The following NCALD variants were observed in gnomAD, a reference collection of about 807,000 sequenced individuals.
The protein encoded by NCALD is neurocalcin delta.
A neutral mutation model predicts 18.6 loss-of-function variants in NCALD; 10 were observed. That is an observed-to-expected ratio of 0.54 (90% CI 0.33 to 0.91). The LOEUF (loss-of-function observed/expected upper bound fraction) is 0.91, where lower values mean the gene tolerates loss of function less well. NCALD is among the 40% of genes least tolerant of loss of function. The pLI, the probability that NCALD is intolerant of heterozygous loss-of-function variation, is 0.03. For missense variants in NCALD, 184 were observed against 247.6 expected (o/e 0.74, Z 1.72); for synonymous variants, 88 against 87.4 (o/e 1.01, Z -0.04).
chr8:101,744,725 T>TA (rs1353543386), intron 1 of NCALD, among the ~76,000 whole-genome samples: 2 of 152,112 alleles, frequency 1.3e-5, no homozygotes, highest in Non-Finnish European at 1.5e-5. Context: ...GGCAGGCTGT[T>TA]ACAGCAGTGC....
intron 3 of NCALD, among the ~76,000 whole-genome samples, chr8:101,897,282 C>G (rs1319540421): frequency 6.7e-6 from 1 of 148,800 alleles, no homozygotes; most frequent in Non-Finnish European, 1.5e-5. Flanking sequence ...AACCAAACAC[C>G]GCATATTCTC....
chr8:101,771,903 A>G (rs571163429), intron 1 of NCALD, among the ~76,000 whole-genome samples: 1 of 152,352 alleles, frequency 6.6e-6, no homozygotes, highest in African/African-American at 2.4e-5. Context: ...TCATTCAATG[A>G]ATAATTATTC....
chr8:102,048,381 T>C (rs1316247919), intron 1 of NCALD, among the ~76,000 whole-genome samples: 1 of 152,198 alleles, frequency 6.6e-6, no homozygotes, highest in African/African-American at 2.4e-5. Context: ...CATCCAGCAC[T>C]AACTCAGATG....
rs147155298 is a variant in NCALD at position 101,852,229 on chromosome 8, C to T, written c.-20+34912G>A. On this transcript the variant is annotated intron_variant, in intron 4 of 6. Coordinates refer to the NCALD transcript ENST00000311028. ...TCAGCAGACAGGCAGTAACTTTTCTCGAGGGAGTGATATTTGCCAGCCTGG... is the reference window on the plus strand; with the variant it reads ...TCAGCAGACAGGCAGTAACTTTTCTTGAGGGAGTGATATTTGCCAGCCTGG... 3.3e-5 allele frequency among the ~76,000 whole-genome samples: 5 copies of T among 152,270 alleles called. No individual in the cohort carries two copies. In the East Asian group the frequency reaches 5.8e-4, roughly 18 times the overall value.
chr8:101,689,557 C>T lies in NCALD; in HGVS notation c.485-151G>A. ...AGCACTCACCTGTCCCGGGGAAGAGCCCAGTGGAATCTCCAGGAACACTGC... is the reference window on the plus strand; with the variant it reads ...AGCACTCACCTGTCCCGGGGAAGAGTCCAGTGGAATCTCCAGGAACACTGC... On this transcript the variant is annotated intron_variant, in intron 3 of 3. Transcript: ENST00000220931. The surrounding 1 kb of genome is among the most constrained non-coding windows in gnomAD (Gnocchi z 4.4). The T allele has an allele frequency of 1.6e-6, 1 of 640,096 alleles. No individual in the cohort carries two copies. Among genetic ancestry groups the T allele is most frequent in the Non-Finnish European group, 2.8e-6 (1 of 361,880 alleles). 39.7% of individuals were successfully genotyped at this position (640,096 alleles called of 1,614,324 possible).
chr8:101,863,444 T>G (rs1815627826), intron 4 of NCALD, among the ~76,000 whole-genome samples: 1 of 152,168 alleles, frequency 6.6e-6, no homozygotes, highest in African/African-American at 2.4e-5. Context: ...TTGAAATGTT[T>G]TAAACCATGT....
At chr8:102,060,276 C>T (rs1407153557) in intron 1 of NCALD, among the ~76,000 whole-genome samples, 6 of 152,162 alleles carry the variant, frequency 3.9e-5, no homozygotes, top group Admixed American at 1.3e-4. Flanking sequence ...CCACTGCGCC[C>T]GGCCTGAAGT....
At chr8:101,708,133 T>C (rs1041020951) in intron 2 of NCALD, among the ~76,000 whole-genome samples, 32 of 152,284 alleles carry the variant, frequency 2.1e-4, no homozygotes, top group African/African-American at 7.7e-4. Flanking sequence ...TCTCAATGCA[T>C]GATGTGTGAC....
intron 1 of NCALD, among the ~76,000 whole-genome samples, chr8:102,059,520 C>T (rs183744285): frequency 1.5e-4 from 23 of 152,266 alleles, no homozygotes; most frequent in Admixed American, 2.6e-4. Flanking sequence ...TTCTGAAAGA[C>T]GTCAAGGCAA....
chr8:101,791,346 T>G (rs1216963140), upstream of NCALD, among the ~76,000 whole-genome samples: 1 of 152,218 alleles, frequency 6.6e-6, no homozygotes, highest in Non-Finnish European at 1.5e-5. Flanking sequence ...TCTCTCTCTC[T>G]TTCTCTATAA....
At chr8:101,833,733 AAAAAAAAG>A (rs1563811134) in intron 4 of NCALD, among the ~76,000 whole-genome samples, 1 of 151,234 alleles carries the variant, frequency 6.6e-6, no homozygotes. Context: ...ATCCAAACTG[AAAAAAAAG>A]AAAAAGAGAA....
At chr8:101,879,586 A>G (rs1816392909) in intron 4 of NCALD, among the ~76,000 whole-genome samples, 1 of 152,132 alleles carries the variant, frequency 6.6e-6, no homozygotes, top group Non-Finnish European at 1.5e-5. Flanking sequence ...ACGGGTTACA[A>G]CGGCTAGCTG....
Position 101,932,673 on chromosome 8 carries a change from A to C in NCALD, c.-156-16815T>G, listed in dbSNP as rs1013514414. Among the ~76,000 whole-genome samples the C allele has an allele frequency of 2.6e-4, 39 of 152,314 alleles. 1 individual carries two copies. The highest frequency in any genetic ancestry group is 7.2e-4 in the Admixed American group (11 of 15,302). The stretch of plus-strand genomic sequence containing the variant: ...ATCATTCTTCTCTTCCTTTGCGCAG[A>C]GTCCTTAAACCCAGCTGCCTCACAT... On this transcript the variant is annotated intron_variant, in intron 2 of 6. Transcript: ENST00000311028.
intron 1 of NCALD, among the ~76,000 whole-genome samples, chr8:102,076,593 G>A (rs984253863): frequency 6.6e-6 from 1 of 152,184 alleles, no homozygotes; most frequent in Non-Finnish European, 1.5e-5. Flanking sequence ...ACTCTCCAGA[G>A]AGAATGCATC....
chr8:101,788,034 T>A (rs1812298755), intron 1 of NCALD, among the ~76,000 whole-genome samples: 1 of 152,228 alleles, frequency 6.6e-6, no homozygotes, highest in South Asian at 2.1e-4. Flanking sequence ...AAGACTGTTG[T>A]TAATGGATCT....
chr8:101,872,583 G>A, intron 4 of NCALD: 1 of 565,136 alleles, frequency 1.8e-6, no homozygotes, highest in Non-Finnish European at 3.2e-6. Context: ...ATCGTGCTGG[G>A]GAATTCAGAT....
At chr8:101,783,152 G>A (rs1235637622) in intron 1 of NCALD, among the ~76,000 whole-genome samples, 2 of 152,122 alleles carry the variant, frequency 1.3e-5, no homozygotes, top group Non-Finnish European at 2.9e-5. Flanking sequence ...TTAACTCTAG[G>A]GCTCACTGTA....
chr8:102,119,804 A>G (rs943711279), intron 1 of NCALD, among the ~76,000 whole-genome samples: 1 of 152,210 alleles, frequency 6.6e-6, no homozygotes, highest in Non-Finnish European at 1.5e-5. Flanking sequence ...TCCTAAAGAC[A>G]GGGGACTAGA....
At chr8:102,006,553 G>A (rs1364880357) in intron 2 of NCALD, among the ~76,000 whole-genome samples, 1 of 152,114 alleles carries the variant, frequency 6.6e-6, no homozygotes, top group Non-Finnish European at 1.5e-5. Context: ...CCTGCCCTCT[G>A]GCTTCTTGTT....
Sources: allele counts gnomAD v4.1 joint callset (sites outside exome capture counted in the v4.1 genomes callset), GRCh38; gene constraint gnomAD v4.1.1; non-coding constraint Gnocchi (gnomAD v3.1); transcripts MANE v1.5; gene names NCBI Gene and HGNC (gene_info 2026-07-23, HGNC 2026-07-21).